The following CTIF variants were observed in gnomAD, a reference collection of about 807,000 sequenced individuals.
CTIF encodes CBP80/20-dependent translation initiation factor.
In CTIF, 21 loss-of-function variants were observed where a neutral mutation model predicts 66.0. The ratio of observed to expected loss-of-function variants is 0.32; its 90% CI spans 0.23 to 0.46. The LOEUF is 0.46. Ranked by LOEUF, CTIF falls within the 20% of genes least tolerant of loss-of-function variation. CTIF has a pLI of 1.00. For synonymous variants in CTIF, 345 were observed against 326.4 expected (o/e 1.06, Z -0.62); for missense variants, 739 against 812.7 (o/e 0.91, Z 1.10).
chr18:48,666,612 A>T (rs1276050733), intron 5 of CTIF, among the ~76,000 whole-genome samples: 1 of 152,184 alleles, frequency 6.6e-6, no homozygotes, highest in Non-Finnish European at 1.5e-5. Flanking sequence ...CCAGCCTCTC[A>T]CACGCCTCTT....
chr18:48,752,755 C>T (rs964045476), intron 7 of CTIF, among the ~76,000 whole-genome samples: 4 of 152,160 alleles, frequency 2.6e-5, no homozygotes, highest in South Asian at 2.1e-4. Context: ...GAGTGTCCTG[C>T]GGGGGACACC....
At chr18:48,675,761 G>A (rs557174580) in intron 6 of CTIF, among the ~76,000 whole-genome samples, 3 of 152,296 alleles carry the variant, frequency 2.0e-5, no homozygotes, top group African/African-American at 7.2e-5. Flanking sequence ...CAGCAGCACG[G>A]GGCTGCAGGG....
intron 8 of CTIF, among the ~76,000 whole-genome samples, chr18:48,758,930 C>T (rs905373596): frequency 1.3e-5 from 2 of 152,140 alleles, no homozygotes; most frequent in African/African-American, 4.8e-5. Flanking sequence ...CCTTCATCAC[C>T]CAGAGGCCAG....
intron 3 of CTIF, among the ~76,000 whole-genome samples, chr18:48,649,905 C>T (rs1425787876): frequency 1.3e-5 from 2 of 152,226 alleles, no homozygotes; most frequent in African/African-American, 4.8e-5. Context: ...AGAAGGAAAA[C>T]TAACACACAG....
At chr18:48,670,521 G>A in intron 5 of CTIF, 148 bp from the exon 6 acceptor site, 3 of 669,100 alleles carry the variant, frequency 4.5e-6, no homozygotes, top group Non-Finnish European at 8.0e-6. Context: ...CTCTAGGGCT[G>A]TTTCCTCTAG....
chr18:48,773,863 G>C (rs1441038211), intron 9 of CTIF, among the ~76,000 whole-genome samples: 1 of 152,192 alleles, frequency 6.6e-6, no homozygotes, highest in Non-Finnish European at 1.5e-5. Context: ...AGGGGACAGA[G>C]GGGGAGAGGA....
At chr18:48,739,404 C>T (rs753965648) in intron 7 of CTIF, among the ~76,000 whole-genome samples, 8 of 152,188 alleles carry the variant, frequency 5.3e-5, no homozygotes, top group South Asian at 4.1e-4. Context: ...TGGGCCACTG[C>T]GGGGAGGTTT....
At chr18:48,645,470 A>T (rs1260514972) in intron 3 of CTIF, among the ~76,000 whole-genome samples, 1 of 152,128 alleles carries the variant, frequency 6.6e-6, no homozygotes, top group East Asian at 1.9e-4. Context: ...ATCCCAGCCA[A>T]GACCAAGTGG....
intron 1 of CTIF, among the ~76,000 whole-genome samples, chr18:48,610,207 G>T (rs2090280778): frequency 6.6e-6 from 1 of 152,240 alleles, no homozygotes; most frequent in Admixed American, 6.5e-5. Context: ...CAAGAGTTGG[G>T]TAGCAGCCCA....
intron 10 of CTIF, among the ~76,000 whole-genome samples, chr18:48,842,998 C>T (rs2068982457): frequency 6.6e-6 from 1 of 152,156 alleles, no homozygotes; most frequent in African/African-American, 2.4e-5. Context: ...CCCTACCCTT[C>T]TGCTTGCCCG....
chr18:48,576,100 C>T (rs937565178), intron 1 of CTIF, among the ~76,000 whole-genome samples: 4 of 152,246 alleles, frequency 2.6e-5, no homozygotes, highest in Non-Finnish European at 4.4e-5. Context: ...CGCCTGTGTA[C>T]AGAGCACCCA....
chr18:48,810,518 A>G (rs1183861788), intron 9 of CTIF, among the ~76,000 whole-genome samples: 2 of 152,138 alleles, frequency 1.3e-5, no homozygotes, highest in Non-Finnish European at 2.9e-5. Context: ...TAGTCCCAGT[A>G]TGTAACCTGT....
chr18:48,691,073 A>G (rs1395860734), intron 6 of CTIF, among the ~76,000 whole-genome samples: 1 of 152,156 alleles, frequency 6.6e-6, no homozygotes, highest in Non-Finnish European at 1.5e-5. Context: ...CGGTATTTTT[A>G]TAAAGGGAAT....
intron 9 of CTIF, among the ~76,000 whole-genome samples, chr18:48,766,192 A>G (rs1025669360): frequency 5.4e-5 from 8 of 148,826 alleles, no homozygotes; most frequent in Admixed American, 4.8e-4. Context: ...CGGAATGTGC[A>G]TATGAATCAC....
At chr18:48,685,127 G>T (rs1245261791) in intron 6 of CTIF, among the ~76,000 whole-genome samples, 1 of 140,814 alleles carries the variant, frequency 7.1e-6, no homozygotes, top group East Asian at 2.1e-4. Context: ...TGTCTTTTAT[G>T]ACCTTGACAT....
intron 6 of CTIF, among the ~76,000 whole-genome samples, chr18:48,678,809 G>C (rs1485425320): frequency 6.6e-6 from 1 of 152,120 alleles, no homozygotes; most frequent in Non-Finnish European, 1.5e-5. Context: ...CAAGGGGCCT[G>C]GGCAAGTCTG....
intron 6 of CTIF, among the ~76,000 whole-genome samples, chr18:48,682,723 G>T (rs1000625621): frequency 6.6e-6 from 1 of 152,224 alleles, no homozygotes; most frequent in Non-Finnish European, 1.5e-5. Flanking sequence ...AAATGGTTTG[G>T]TGATTCAAGG....
chr18:48,669,836 TATATAAG>T (rs1311282493), intron 5 of CTIF, among the ~76,000 whole-genome samples: 1 of 120,328 alleles, frequency 8.3e-6, no homozygotes, highest in Non-Finnish European at 1.7e-5. Flanking sequence ...TATATATATA[TATATAAG>T]CTAGACTATA....
At chr18:48,802,893 C>T (rs910188281) in intron 9 of CTIF, among the ~76,000 whole-genome samples, 2 of 152,244 alleles carry the variant, frequency 1.3e-5, no homozygotes, top group South Asian at 4.1e-4. Flanking sequence ...TCAGACAATC[C>T]AGCCTTCTCT....
Sources: allele counts gnomAD v4.1 joint callset (sites outside exome capture counted in the v4.1 genomes callset), GRCh38; gene constraint gnomAD v4.1.1; transcripts MANE v1.5; gene names NCBI Gene and HGNC (gene_info 2026-07-23, HGNC 2026-07-21).